Variants in SMG6 observed in about 807,000 individuals in gnomAD.
SMG6 encodes the protein telomerase-binding protein EST1A.
In SMG6, 66 loss-of-function variants were observed where a neutral mutation model predicts 142.2. That is an observed-to-expected ratio of 0.46 (90% CI 0.38 to 0.57). The LOEUF is 0.57. Ranked by LOEUF, SMG6 falls within the 20% of genes least tolerant of loss-of-function variation. SMG6 has a pLI of 0.00. For synonymous variants in SMG6, 779 were observed against 702.4 expected, an observed-to-expected ratio of 1.11 and a Z score of -1.72; for missense variants, 1,793 against 1,832.0, an observed-to-expected ratio of 0.98 and a Z score of 0.39.
chr17:2,228,606 G>C (rs2073383934), intron 10 of SMG6, among the ~76,000 whole-genome samples: 1 of 148,662 alleles, frequency 6.7e-6, no homozygotes, highest in Non-Finnish European at 1.5e-5. Context: ...CAAGTGATCT[G>C]CCCGCCTCGG....
Position 2,299,688 on chromosome 17 carries a change from A to C in SMG6, c.1065T>G (p.Asp355Glu). 3.1e-6 allele frequency: 5 copies of C among 1,614,172 alleles called. No individual in the cohort carries two copies. The highest frequency in any genetic ancestry group is 4.2e-6 in the Non-Finnish European group (5 of 1,180,038). ...GAGACTCTTTGTTCATGGCTTCTGC[A>C]TCGAAAGTGACACGAAGAGTGCCTC... Reference protein sequence around the residue: ...EYRGTLRVTFDAEAMNKESPM... With the variant: ...EYRGTLRVTFEAEAMNKESPM... The change falls in exon 2 of 19, where the codon GAT becomes GAG. Residue 355 changes from aspartate to glutamate, a missense_variant. Around this residue, in one of 3 missense-constraint regions of SMG6, gnomAD observed 1,597 missense variants for 1,584.6 expected, o/e 1.01. Coordinates refer to ENST00000263073, the MANE Select transcript of SMG6 (RefSeq NM_017575.5). The surrounding 1 kb of genome is among the most constrained non-coding windows in gnomAD (Gnocchi z 4.3).
intron 13 of SMG6, among the ~76,000 whole-genome samples, chr17:2,124,965 G>A (rs2069824613): frequency 6.6e-6 from 1 of 152,146 alleles, no homozygotes. Flanking sequence ...TGATGAACAA[G>A]GTACATACGC....
At chr17:2,198,365 A>C (rs2072398659) in intron 10 of SMG6, among the ~76,000 whole-genome samples, 1 of 152,204 alleles carries the variant, frequency 6.6e-6, no homozygotes, top group Non-Finnish European at 1.5e-5. Context: ...GATGGTTCTA[A>C]AGCATAGAGC....
intron 8 of SMG6, among the ~76,000 whole-genome samples, chr17:2,265,331 G>A (rs2074397887): frequency 6.6e-6 from 1 of 152,056 alleles, no homozygotes; most frequent in South Asian, 2.1e-4. Flanking sequence ...CCAACATGGC[G>A]AAACACCATC....
chr17:2,258,062 C>CACACACACACATATATATAT (rs1555567108), intron 8 of SMG6, among the ~76,000 whole-genome samples: 1 of 120,318 alleles, frequency 8.3e-6, no homozygotes, highest in African/African-American at 3.0e-5. Flanking sequence ...CACACACACA[C>CACACACACACATATATATAT]ACACATATAT....
chr17:2,088,895 G>T (rs756480645), intron 13 of SMG6: 1 of 944,348 alleles, frequency 1.1e-6, no homozygotes. Flanking sequence ...CTGGAGTTCT[G>T]TAGGAGACTT....
intron 10 of SMG6, among the ~76,000 whole-genome samples, chr17:2,194,687 CAAAAG>C (rs60137522): frequency 0.018 from 1,969 of 110,596 alleles, 39 homozygotes; most frequent in African/African-American, 0.064. Flanking sequence ...CTGTCTCTAC[CAAAAG>C]AAAAGAAAAC....
intron 8 of SMG6, among the ~76,000 whole-genome samples, chr17:2,247,158 G>T (rs778942537): frequency 6.6e-6 from 1 of 152,098 alleles, no homozygotes; most frequent in Non-Finnish European, 1.5e-5. Flanking sequence ...CTTAGGCAAC[G>T]GATCTAAATG....
chr17:2,303,545 C>A, intron 1 of SMG6, 88 bp downstream of exon 1: 1 of 1,343,330 alleles, frequency 7.4e-7, no homozygotes, highest in Non-Finnish European at 9.5e-7. Flanking sequence ...GGCTCCGGAG[C>A]CGAGGGCCGA....
chr17:2,087,327 CT>C, intron 13 of SMG6: 4 of 1,214,038 alleles, frequency 3.3e-6, no homozygotes, highest in Non-Finnish European at 4.2e-6. Context: ...ATGAGCACCG[CT>C]GTGCAGGCTG....
intron 8 of SMG6, among the ~76,000 whole-genome samples, chr17:2,265,426 C>G (rs146436375): frequency 0.01 from 1,530 of 152,064 alleles, 30 homozygotes; most frequent in African/African-American, 0.034. Context: ...AGGAGAAACG[C>G]TTGAACCTGG....
Position 2,065,503 on chromosome 17 carries a change from T to C in SMG6, c.4012A>G (p.Ile1338Val). The C allele has an allele frequency of 1.9e-6, 3 of 1,613,642 alleles. No individual in the cohort carries two copies. The highest frequency in any genetic ancestry group is 2.5e-6 in the Non-Finnish European group (3 of 1,179,998). The change falls in exon 17 of 19, where the codon ATC (isoleucine) becomes GTC (valine). Residue 1338 changes from isoleucine (I) to valine (V), a missense_variant. By Grantham distance (29) the Ile-to-Val change is conservative (BLOSUM62 3). Transcript: ENST00000263073. ...GTGATGTCCTCACTGCGGAAGGCGA[T>C]GGATTCGAGTTCATTGCCACGGCTG... is the stretch of plus-strand genomic sequence containing the variant. ...LTSRGNELES[I>V]AFRSEDITGQ...
chr17:2,133,984 G>C (rs141562804), intron 13 of SMG6, among the ~76,000 whole-genome samples: 1 of 152,096 alleles, frequency 6.6e-6, no homozygotes, highest in African/African-American at 2.4e-5. Flanking sequence ...GGTAGAGCCC[G>C]AACACTAGCC....
intron 10 of SMG6, among the ~76,000 whole-genome samples, chr17:2,199,387 C>T (rs2072440373): frequency 1.3e-5 from 2 of 151,838 alleles, no homozygotes; most frequent in African/African-American, 2.4e-5. Context: ...AATCCCAGCA[C>T]TTTGGGAGGC....
At chr17:2,113,235 C>G (rs548182805) in intron 13 of SMG6, among the ~76,000 whole-genome samples, 1 of 151,914 alleles carries the variant, frequency 6.6e-6, no homozygotes, top group Admixed American at 6.6e-5. Context: ...TGCCACCATG[C>G]CTGGCCAATT....
intron 12 of SMG6, among the ~76,000 whole-genome samples, chr17:2,173,844 G>GTTT (rs1245934270): frequency 8.3e-6 from 1 of 120,060 alleles, no homozygotes; most frequent in Non-Finnish European, 1.7e-5. Flanking sequence ...GATCCATAAA[G>GTTT]CTTTTTTTTT....
At chr17:2,178,994 G>C (rs1300119235) in intron 12 of SMG6, among the ~76,000 whole-genome samples, 2 of 152,228 alleles carry the variant, frequency 1.3e-5, no homozygotes, top group African/African-American at 4.8e-5. Context: ...GCTGGGGTCA[G>C]ACTGGAGCCT....
chr17:2,110,169 T>C (rs1257609967), intron 13 of SMG6, among the ~76,000 whole-genome samples: 1 of 151,834 alleles, frequency 6.6e-6, no homozygotes, highest in Admixed American at 6.6e-5. Flanking sequence ...CTCTTGCTGC[T>C]GACAAAGTAC....
chr17:2,087,518 A>C (rs1364915320), intron 13 of SMG6: 2 of 1,035,506 alleles, frequency 1.9e-6, no homozygotes, highest in Admixed American at 1.0e-4. Context: ...TACTTTGACC[A>C]CCTTCACCTG....
Sources: gnomAD v4.1 joint callset for allele counts (sites outside exome capture counted in the v4.1 genomes callset) on GRCh38, gnomAD v4.1.1 for gene constraint, gnomAD v4.1.1 regional missense constraint, Gnocchi (gnomAD v3.1) non-coding constraint, MANE v1.5 for transcripts, NCBI Gene and HGNC (gene_info 2026-07-23, HGNC 2026-07-21) for gene names.